Variants in MGAT5 observed in about 807,000 individuals in gnomAD.
MGAT5 encodes alpha-1,6-mannosylglycoprotein 6-beta-N-acetylglucosaminyltransferase A.
MGAT5 carries 30 observed loss-of-function variants against 94.3 expected under a neutral mutation model. The ratio of observed to expected loss-of-function variants is 0.32; its 90% confidence interval spans 0.24 to 0.43. The LOEUF (loss-of-function observed/expected upper bound fraction) is 0.43, where lower values mean the gene tolerates loss of function less well. MGAT5 is among the 20% of genes least tolerant of loss of function. MGAT5 has a pLI of 1.00. For missense variants in MGAT5, 691 were observed against 905.5 expected (o/e 0.76, Z 3.04); for synonymous variants, 310 against 322.9 (o/e 0.96, Z 0.43).
intron 5 of MGAT5, among the ~76,000 whole-genome samples, chr2:134,337,726 T>A (rs1207077635): frequency 6.6e-6 from 1 of 152,198 alleles, no homozygotes. Context: ...GTAGTATTCT[T>A]GGCTCTTTAA....
At chr2:134,205,001 G>A (rs1369725144) in intron 1 of MGAT5, among the ~76,000 whole-genome samples, 2 of 152,218 alleles carry the variant, frequency 1.3e-5, no homozygotes, top group Non-Finnish European at 2.9e-5. Flanking sequence ...ACATAGACCT[G>A]CAGGAAGAGT....
At chr2:134,230,066 G>GC (rs973573985) in intron 1 of MGAT5, among the ~76,000 whole-genome samples, 2 of 152,150 alleles carry the variant, frequency 1.3e-5, no homozygotes, top group African/African-American at 4.8e-5. Flanking sequence ...TAAAACAGCA[G>GC]CCCCCAAACT....
intron 10 of MGAT5, among the ~76,000 whole-genome samples, chr2:134,368,619 G>A (rs779385407): frequency 1.3e-5 from 2 of 152,272 alleles, no homozygotes; most frequent in Non-Finnish European, 2.9e-5. Context: ...TCTCCATACA[G>A]CAGCAGCCAG....
intron 1 of MGAT5, among the ~76,000 whole-genome samples, chr2:134,202,423 C>T (rs1285103030): frequency 6.6e-6 from 1 of 152,236 alleles, no homozygotes; most frequent in Admixed American, 6.5e-5. Context: ...TAGGCCCTTA[C>T]CAGATGCCAA....
At chr2:134,322,850 A>G (rs1687415072) in intron 4 of MGAT5, among the ~76,000 whole-genome samples, 1 of 152,168 alleles carries the variant, frequency 6.6e-6, no homozygotes. Context: ...TTGAGTTGTT[A>G]ATGTGATCAA....
rs141169347 is a variant in MGAT5 at position 134,444,751 on chromosome 2, C to T, written c.2027+2836C>T. On this transcript the variant is annotated intron_variant, in intron 15 of 15. Coordinates refer to ENST00000281923, the MANE Select transcript of MGAT5 (RefSeq NM_002410.5). ...ACTCTATAGTATGACTTTAGTATAT[C>T]ACATCAGGGGAACCCTTTGGAGTGT... 4.2e-3 allele frequency among the ~76,000 whole-genome samples: 638 copies of T among 152,346 alleles called. 4 individuals are homozygous for T. Among genetic ancestry groups the T allele is most frequent in the African/African-American group, 0.015 (607 of 41,582 alleles).
intron 1 of MGAT5, among the ~76,000 whole-genome samples, chr2:134,189,597 T>TTTTTG (rs1553490339): frequency 6.9e-5 from 6 of 87,140 alleles, no homozygotes; most frequent in African/African-American, 2.8e-4. Flanking sequence ...CTCTAGTTTT[T>TTTTTG]TTTTGTTTTT....
At position 134,401,456 on chromosome 2, in the gene MGAT5, C is replaced by T. The variant is rs558888946; in HGVS notation, c.1381-1532C>T. 5.3e-5 allele frequency among the ~76,000 whole-genome samples: 8 copies of T among 152,234 alleles called. No homozygotes were observed. In the South Asian group the frequency reaches 1.7e-3, roughly 32 times the overall value. On this transcript the variant is annotated intron_variant, in intron 10 of 15. Coordinates refer to ENST00000281923, the MANE Select transcript of MGAT5 (RefSeq NM_002410.5). ...TGGCCAGCCTAGGAGTGGGTCCCCT[C>T]AGGTCAGACACACCCTGGGCAGGTC...
chr2:134,445,017 A>G (rs576714607), intron 15 of MGAT5, among the ~76,000 whole-genome samples: 1 of 152,244 alleles, frequency 6.6e-6, no homozygotes, highest in South Asian at 2.1e-4. Flanking sequence ...AGTTCCATAC[A>G]CAGGAACATG....
intron 9 of MGAT5, among the ~76,000 whole-genome samples, chr2:134,358,518 G>A (rs1432866468): frequency 2.0e-5 from 3 of 152,184 alleles, no homozygotes; most frequent in Non-Finnish European, 2.9e-5. Flanking sequence ...AGGAAAGGAT[G>A]AGTTGATGGA....
intron 11 of MGAT5, among the ~76,000 whole-genome samples, chr2:134,405,548 TC>T (rs1348729502): frequency 2.6e-5 from 4 of 152,218 alleles, no homozygotes; most frequent in African/African-American, 9.6e-5. Context: ...TGTCTCTGAC[TC>T]CTTTCTCTCT....
chr2:134,323,833 A>G (rs1227259208), intron 4 of MGAT5, among the ~76,000 whole-genome samples: 2 of 152,104 alleles, frequency 1.3e-5, no homozygotes, highest in South Asian at 2.1e-4. Flanking sequence ...AGTGGTAGGA[A>G]TGAGCAAATG....
At position 134,145,204 on chromosome 2, in the gene MGAT5, G is replaced by C. The variant is rs375694810; in HGVS notation, c.-143+24913G>C. Among the ~76,000 whole-genome samples, 209 of 148,444 alleles carry C rather than the reference G, an allele frequency of 1.4e-3. 1 individual carries two copies. The highest frequency in any genetic ancestry group is 4.6e-3 in the African/African-American group (183 of 39,830). Reference sequence around the variant, plus strand: ...TATAACCAAAGTAAGGTGTGTGTGTGTCTCTCTCTCTGTGTGTGTGTGTGT... The same window carrying C: ...TATAACCAAAGTAAGGTGTGTGTGTCTCTCTCTCTCTGTGTGTGTGTGTGT... On this transcript the variant is annotated intron_variant, in intron 1 of 16. Transcript: ENST00000409645.
rs372530631 is a variant in MGAT5 at position 134,364,870 on chromosome 2, C to T, written c.1380+2462C>T. On this transcript the variant is annotated intron_variant, in intron 10 of 15. Coordinates refer to ENST00000281923, the MANE Select transcript of MGAT5 (RefSeq NM_002410.5). ...TTAGTTTCTTTTTCCAAAGCTTGTG[C>T]GTCCTGGAGTATTTAGTGAATGCAC... is the stretch of plus-strand genomic sequence containing the variant. Among the ~76,000 whole-genome samples, 29 of 152,310 alleles carry T rather than the reference C, an allele frequency of 1.9e-4. No homozygotes were observed. The East Asian group carries it at 1.9e-3, about 10-fold the overall frequency.
In MGAT5 at chr2:134,247,364, AAAAAAAAAAAC is replaced by A. The variant is rs1296974106; in HGVS notation, c.-142-6886_-142-6876del. Among the ~76,000 whole-genome samples, 7 of 148,164 alleles carry A rather than the reference AAAAAAAAAAAC, an allele frequency of 4.7e-5. No individual in the cohort carries two copies. The South Asian group carries it at 8.4e-4, about 18-fold the overall frequency. ...ATAGATACCTGGGCCTGAATTAAAA[AAAAAAAAAAAC>A]AAAAAAAAAACGTAAACTAGACCAC... On this transcript the variant is annotated intron_variant, in intron 1 of 16. Transcript: ENST00000409645.
rs1275828372 is a variant in MGAT5 at position 134,262,232 on chromosome 2, G to A, written c.241+7588G>A. On this transcript the variant is annotated intron_variant, in intron 1 of 15. Transcript: ENST00000281923. ...GTTCTTTTTTTTTGGTGTTGTTTTT[G>A]TTTTATTTTGTTTTGTTTTGTTTTG... Among the ~76,000 whole-genome samples, 4 of 151,946 alleles carry A rather than the reference G, an allele frequency of 2.6e-5. No individual in the cohort carries two copies. In the East Asian group the frequency reaches 7.7e-4, roughly 29 times the overall value.
upstream of MGAT5, among the ~76,000 whole-genome samples, chr2:134,251,677 G>A (rs976010059): frequency 3.3e-5 from 5 of 152,128 alleles, no homozygotes; most frequent in Non-Finnish European, 7.4e-5. Flanking sequence ...TACCATGTGA[G>A]ATTCAATCCA....
intron 1 of MGAT5, among the ~76,000 whole-genome samples, chr2:134,201,395 T>G (rs1679778227): frequency 6.6e-6 from 1 of 152,178 alleles, no homozygotes; most frequent in South Asian, 2.1e-4. Context: ...ATTATTTTTC[T>G]GTATCTTTTC....
intron 3 of MGAT5, 118 bp downstream of exon 3, chr2:134,317,723 A>C: frequency 1.7e-6 from 1 of 596,310 alleles, no homozygotes; most frequent in Non-Finnish European, 2.7e-6. Context: ...TGGATCATTT[A>C]TGGGGTGCCT....
Sources: gnomAD v4.1 joint callset for allele counts (sites outside exome capture counted in the v4.1 genomes callset) on GRCh38, gnomAD v4.1.1 for gene constraint, MANE v1.5 for transcripts, NCBI Gene and HGNC (gene_info 2026-07-23, HGNC 2026-07-21) for gene names.